Variants in EPHA6 observed in about 807,000 individuals in gnomAD.
The protein encoded by EPHA6 is EPH receptor A6.
Under a neutral mutation model 112.0 loss-of-function variants are expected in EPHA6, and 50 were observed. That is an observed-to-expected ratio of 0.45 (90% confidence interval 0.36 to 0.56). EPHA6 has a LOEUF of 0.56. Ranked by LOEUF, EPHA6 falls within the 20% of genes least tolerant of loss-of-function variation. The probability of loss-of-function intolerance (pLI) is 0.00; values close to 1 mark genes in which losing one functional copy is unlikely to be tolerated. For missense variants in EPHA6, 1,280 were observed against 1,417.4 expected, an observed-to-expected ratio of 0.90 and a Z score of 1.56; for synonymous variants, 529 against 490.7, an observed-to-expected ratio of 1.08 and a Z score of -1.03.
intron 1 of EPHA6, among the ~76,000 whole-genome samples, chr3:96,843,697 T>G (rs1290803025): frequency 1.3e-5 from 2 of 152,032 alleles, no homozygotes; most frequent in Non-Finnish European, 2.9e-5. Context: ...AAATTATCAC[T>G]TGAATTGGCA....
chr3:97,360,583 G>A (rs1403936670), intron 5 of EPHA6, among the ~76,000 whole-genome samples: 1 of 152,034 alleles, frequency 6.6e-6, no homozygotes, highest in Non-Finnish European at 1.5e-5. Context: ...TTAATTTTGT[G>A]TCTGGTTTGG....
intron 3 of EPHA6, among the ~76,000 whole-genome samples, chr3:97,082,369 T>A (rs2046749722): frequency 6.6e-6 from 1 of 151,950 alleles, no homozygotes; most frequent in South Asian, 2.1e-4. Context: ...ATTTATTTCA[T>A]TTGATTTTTA....
intron 10 of EPHA6, among the ~76,000 whole-genome samples, chr3:97,526,765 G>A (rs1040967735): frequency 7.2e-5 from 11 of 152,174 alleles, no homozygotes; most frequent in Non-Finnish European, 1.2e-4. Flanking sequence ...GTGCCATTGG[G>A]ATTATTCCCA....
intron 10 of EPHA6, among the ~76,000 whole-genome samples, chr3:97,521,599 C>A (rs1189012243): frequency 6.6e-6 from 1 of 152,110 alleles, no homozygotes; most frequent in East Asian, 1.9e-4. Flanking sequence ...ATGGGGAAAA[C>A]CACCCCCATT....
rs966585062 is a variant in EPHA6, at chr3:97,250,169, A to G, written c.1606+5882A>G. The stretch of plus-strand genomic sequence containing the variant: ...TCAAGCAGGAATACGTCTGGAAAGT[A>G]ACAAGAAAGTATTAATGGCATATTT... On this transcript the variant is annotated intron_variant, in intron 5 of 17. Transcript: ENST00000389672. Among the ~76,000 whole-genome samples, 2 of 152,254 alleles carry G rather than the reference A, an allele frequency of 1.3e-5. 1 individual carries two copies. Among genetic ancestry groups the G allele is most frequent in the South Asian group, 4.1e-4 (2 of 4,836 alleles).
chr3:97,493,873 G>T (rs1402769784), intron 10 of EPHA6, among the ~76,000 whole-genome samples: 1 of 152,128 alleles, frequency 6.6e-6, no homozygotes, highest in Non-Finnish European at 1.5e-5. Flanking sequence ...AGTGGTGGAG[G>T]CACAGGGAAA....
At chr3:97,235,983 A>C (rs963168397) in intron 4 of EPHA6, among the ~76,000 whole-genome samples, 1 of 152,086 alleles carries the variant, frequency 6.6e-6, no homozygotes, top group South Asian at 2.1e-4. Context: ...AGAAATTTAA[A>C]AAGAAAGCTG....
intron 6 of EPHA6, chr3:97,447,634 T>A (rs960205371): frequency 7.8e-5 from 21 of 268,834 alleles, no homozygotes; most frequent in Non-Finnish European, 9.4e-5. Flanking sequence ...TTGTGGACAA[T>A]CTCTTACATG....
chr3:97,045,728 T>C (rs1423895249), intron 3 of EPHA6, among the ~76,000 whole-genome samples: 1 of 152,106 alleles, frequency 6.6e-6, no homozygotes, highest in Non-Finnish European at 1.5e-5. Flanking sequence ...ACATACTTTG[T>C]ACGTTTTTTG....
At chr3:97,391,247 A>T (rs2086379002) in intron 5 of EPHA6, among the ~76,000 whole-genome samples, 1 of 152,014 alleles carries the variant, frequency 6.6e-6, no homozygotes, top group Non-Finnish European at 1.5e-5. Flanking sequence ...AAAAGTTCAG[A>T]GGGCATGACA....
intron 14 of EPHA6, among the ~76,000 whole-genome samples, chr3:97,681,025 C>T (rs1007643138): frequency 6.6e-6 from 1 of 151,800 alleles, no homozygotes; most frequent in Non-Finnish European, 1.5e-5. Flanking sequence ...AATGATAAGA[C>T]ATTAGATTTT....
intron 3 of EPHA6, among the ~76,000 whole-genome samples, chr3:96,997,770 G>A (rs1040224428): frequency 9.9e-5 from 15 of 151,878 alleles, no homozygotes; most frequent in African/African-American, 3.6e-4. Flanking sequence ...AAATATTGCT[G>A]GAATTACCAA....
chr3:97,741,096 A>G (rs1654151330), intron 16 of EPHA6, among the ~76,000 whole-genome samples: 1 of 152,138 alleles, frequency 6.6e-6, no homozygotes, highest in African/African-American at 2.4e-5. Flanking sequence ...CACACCTGTA[A>G]TCCTGACCCT....
intron 3 of EPHA6, among the ~76,000 whole-genome samples, chr3:97,112,253 G>A (rs1399650969): frequency 6.6e-6 from 1 of 152,048 alleles, no homozygotes; most frequent in Non-Finnish European, 1.5e-5. Flanking sequence ...CCTTTATTTT[G>A]AGACGTTCAA....
Position 97,504,259 on chromosome 3 carries a change from T to TA in EPHA6, c.2200+20202dup, listed in dbSNP as rs578018525. 6.5e-3 allele frequency among the ~76,000 whole-genome samples: 995 copies of TA among 152,178 alleles called. 10 individuals are homozygous for TA. The highest frequency in any genetic ancestry group is 0.022 in the African/African-American group (915 of 41,518). ...TTCTTTATCTCAGGACCAAGAGAAT[T>TA]AAGGAGCCTGGACACAAAGGCTAAG... On this transcript the variant is annotated intron_variant, in intron 10 of 17. Transcript: ENST00000389672.
At chr3:97,369,050 G>A (rs2108971040) in intron 5 of EPHA6, among the ~76,000 whole-genome samples, 1 of 152,244 alleles carries the variant, frequency 6.6e-6, no homozygotes, top group Admixed American at 6.5e-5. Flanking sequence ...CCAAAAACGA[G>A]AAGAAACATG....
chr3:97,460,841 T>C (rs531351917), intron 7 of EPHA6, among the ~76,000 whole-genome samples: 12 of 152,266 alleles, frequency 7.9e-5, no homozygotes, highest in African/African-American at 2.9e-4. Flanking sequence ...TTCCATGGGC[T>C]TCCTGTACTC....
intron 5 of EPHA6, among the ~76,000 whole-genome samples, chr3:97,273,526 T>C (rs1342008962): frequency 6.6e-6 from 1 of 152,206 alleles, no homozygotes; most frequent in African/African-American, 2.4e-5. Flanking sequence ...GGCTGTACCC[T>C]GTAGCATTCC....
intron 3 of EPHA6, among the ~76,000 whole-genome samples, chr3:97,003,698 G>A (rs1576301037): frequency 6.6e-6 from 1 of 151,834 alleles, no homozygotes; most frequent in South Asian, 2.1e-4. Flanking sequence ...GGGGATAAAT[G>A]TGCAGAACAC....
Sources: gnomAD v4.1 joint callset for allele counts (sites outside exome capture counted in the v4.1 genomes callset) on GRCh38, gnomAD v4.1.1 for gene constraint, MANE v1.5 for transcripts, NCBI Gene and HGNC (gene_info 2026-07-23, HGNC 2026-07-21) for gene names.